GNG12: variants seen among roughly 807,000 people sequenced by gnomAD.
GNG12 encodes the protein G protein subunit gamma 12.
For synonymous variants in GNG12, 28 were observed against 29.7 expected (o/e 0.94, Z 0.19); for missense variants, 69 against 83.8 (o/e 0.82, Z 0.69).
chr1:67,710,314 C>G (rs1472327460), intron 2 of GNG12, among the ~76,000 whole-genome samples: 2 of 146,224 alleles, frequency 1.4e-5, no homozygotes, highest in Non-Finnish European at 3.0e-5. Flanking sequence ...GGTTCTGAGG[C>G]CCCCAGAATG....
chr1:67,778,461 A>G (rs1381592048), intron 1 of GNG12, among the ~76,000 whole-genome samples: 1 of 152,066 alleles, frequency 6.6e-6, no homozygotes, highest in Non-Finnish European at 1.5e-5. Context: ...TTATTCACCT[A>G]TTTTCCTTCT....
chr1:67,752,062 T>C (rs755073178), intron 2 of GNG12, among the ~76,000 whole-genome samples: 1 of 152,218 alleles, frequency 6.6e-6, no homozygotes, highest in Non-Finnish European at 1.5e-5. Flanking sequence ...TAGCACCTCA[T>C]AGTTACTCAA....
Position 67,813,240 on chromosome 1 carries a change from A to C in GNG12, c.-77+20104T>G, listed in dbSNP as rs1020982585. 2.6e-5 allele frequency among the ~76,000 whole-genome samples: 4 copies of C among 152,208 alleles called. No homozygotes were observed. The South Asian group carries it at 8.3e-4, about 31-fold the overall frequency. ...TCTAATTATTTCAAGGGTCATCATA[A>C]GAAATAGCCACAAGAAAAATTTCTC... On this transcript the variant is annotated intron_variant, in intron 1 of 3. Transcript: ENST00000370982.
At chr1:67,711,045 A>G (rs977687989) in intron 2 of GNG12, among the ~76,000 whole-genome samples, 3 of 151,860 alleles carry the variant, frequency 2.0e-5, no homozygotes, top group Non-Finnish European at 1.5e-5. Context: ...TCCTAACTCA[A>G]TTTCTCTTCT....
intron 2 of GNG12, among the ~76,000 whole-genome samples, chr1:67,773,081 G>C (rs1263475725): frequency 1.3e-5 from 2 of 152,176 alleles, no homozygotes; most frequent in African/African-American, 2.4e-5. Flanking sequence ...CAAGAGACTA[G>C]TTTAAATTAT....
At chr1:67,780,657 C>T (rs998770568) in intron 1 of GNG12, among the ~76,000 whole-genome samples, 2 of 152,166 alleles carry the variant, frequency 1.3e-5, no homozygotes, top group Non-Finnish European at 2.9e-5. Context: ...TCTTCAAATA[C>T]ACACTTTAAC....
At chr1:67,833,148 A>G (rs1262626956) in intron 1 of GNG12, among the ~76,000 whole-genome samples, 196 bp downstream of exon 1, 7 of 82,804 alleles carry the variant, frequency 8.5e-5, no homozygotes, top group Non-Finnish European at 1.6e-4. Context: ...TCCGGCGCCC[A>G]GCGCCCAGAC....
At chr1:67,753,812 C>T (rs1646552968) in intron 2 of GNG12, among the ~76,000 whole-genome samples, 1 of 152,212 alleles carries the variant, frequency 6.6e-6, no homozygotes, top group South Asian at 2.1e-4. Context: ...ACTTCTAGAA[C>T]TGCCCTGATC....
At chr1:67,804,408 C>T (rs1443012250) in intron 1 of GNG12, among the ~76,000 whole-genome samples, 1 of 152,182 alleles carries the variant, frequency 6.6e-6, no homozygotes, top group East Asian at 1.9e-4. Context: ...GCTGTACTTT[C>T]AGCGTGCACT....
chr1:67,766,762 T>C (rs1646642823), intron 2 of GNG12, among the ~76,000 whole-genome samples: 1 of 152,114 alleles, frequency 6.6e-6, no homozygotes, highest in African/African-American at 2.4e-5. Context: ...CTGCCCTCCC[T>C]TCCTGCACAA....
At chr1:67,747,141 A>G (rs1646512245) in intron 2 of GNG12, among the ~76,000 whole-genome samples, 1 of 152,148 alleles carries the variant, frequency 6.6e-6, no homozygotes, top group South Asian at 2.1e-4. Flanking sequence ...TGTTTTTGAG[A>G]CGGACTCTTG....
chr1:67,810,096 T>C (rs190502882), intron 1 of GNG12, among the ~76,000 whole-genome samples: 64 of 152,176 alleles, frequency 4.2e-4, no homozygotes, highest in African/African-American at 1.5e-3. Context: ...TAAAAGGAAA[T>C]GAGCTATCAA....
chr1:67,774,002 A>G (rs573000475), intron 2 of GNG12, among the ~76,000 whole-genome samples: 13 of 152,350 alleles, frequency 8.5e-5, no homozygotes, highest in African/African-American at 2.6e-4. Flanking sequence ...CAGCTGTCAC[A>G]TCATTCACCT....
Position 67,709,907 on chromosome 1 carries a change from TATA to T in GNG12, c.-26-2198_-26-2196del, listed in dbSNP as rs1646273960. The stretch of plus-strand genomic sequence containing the variant: ...ATATATAGTTATATATATATTTTTA[TATA>T]GTTATATATATAGTTATATATATAG... On this transcript the variant is annotated intron_variant, in intron 2 of 3. Coordinates refer to ENST00000370982, the MANE Select transcript of GNG12 (RefSeq NM_018841.6). Among the ~76,000 whole-genome samples, 10 of 54,942 alleles carry T rather than the reference TATA, an allele frequency of 1.8e-4. No individual in the cohort carries two copies. In the East Asian group the frequency reaches 5.3e-3, roughly 29 times the overall value. The allele number at this position is 54,942 out of a possible 152,430, so 36.0% of individuals were successfully genotyped here.
intron 2 of GNG12, among the ~76,000 whole-genome samples, chr1:67,772,163 C>T (rs1180562826): frequency 6.6e-6 from 1 of 152,000 alleles, no homozygotes; most frequent in Non-Finnish European, 1.5e-5. Flanking sequence ...CTTTCTCCAA[C>T]AAAAAAAGTG....
chr1:67,741,227 T>C (rs1646481215), intron 2 of GNG12, among the ~76,000 whole-genome samples: 1 of 152,224 alleles, frequency 6.6e-6, no homozygotes, highest in South Asian at 2.1e-4. Context: ...TAAGGTTTTG[T>C]TTGCTTTTTA....
chr1:67,710,235 T>C (rs1210782904), intron 2 of GNG12, among the ~76,000 whole-genome samples: 1 of 119,274 alleles, frequency 8.4e-6, no homozygotes, highest in Non-Finnish European at 1.6e-5. Context: ...TATATAGTTA[T>C]ATATATAGTT....
intron 1 of GNG12, among the ~76,000 whole-genome samples, chr1:67,787,604 T>C (rs1276759811): frequency 2.0e-5 from 3 of 152,132 alleles, no homozygotes; most frequent in Non-Finnish European, 4.4e-5. Flanking sequence ...TTTTAGGTAA[T>C]AGACCTCTAG....
intron 1 of GNG12, among the ~76,000 whole-genome samples, chr1:67,782,106 A>G (rs1646740821): frequency 6.6e-6 from 1 of 152,184 alleles, no homozygotes; most frequent in African/African-American, 2.4e-5. Context: ...TGTTATCTCA[A>G]AAGGCAAAAC....
Sources: allele counts gnomAD v4.1 joint callset (sites outside exome capture counted in the v4.1 genomes callset), GRCh38; gene constraint gnomAD v4.1.1; transcripts MANE v1.5; gene names NCBI Gene and HGNC (gene_info 2026-07-23, HGNC 2026-07-21).